Variants in ANK3 observed in about 807,000 individuals in gnomAD.
ANK3 encodes the protein ankyrin 3, also known as ankyrin-3.
Under a neutral mutation model 370.9 loss-of-function variants are expected in ANK3, and 57 were observed. That is an observed-to-expected ratio of 0.15 (90% confidence interval 0.12 to 0.19). ANK3 has a LOEUF of 0.19. ANK3 is among the 10% of genes least tolerant of loss of function. The probability of loss-of-function intolerance (pLI) is 1.00; values close to 1 mark genes in which losing one functional copy is unlikely to be tolerated. For synonymous variants in ANK3, 1,929 were observed against 1,946.3 expected, an observed-to-expected ratio of 0.99 and a Z score of 0.23; for missense variants, 4,439 against 5,302.1, an observed-to-expected ratio of 0.84 and a Z score of 5.06.
Position 60,553,109 on chromosome 10 carries a change from C to T in ANK3, c.96+62077G>A, listed in dbSNP as rs556615703. On this transcript the variant is annotated intron_variant, in intron 2 of 43. Coordinates refer to the ANK3 transcript ENST00000373827. ...AGAATGGACTAATACAGTGATAATA[C>T]CAGCTGATAAATTACAATTATTGAA... Among the ~76,000 whole-genome samples, 5 of 152,210 alleles carry T rather than the reference C, an allele frequency of 3.3e-5. No individual in the cohort carries two copies. The South Asian group carries it at 1.0e-3, about 32-fold the overall frequency.
intron 1 of ANK3, among the ~76,000 whole-genome samples, chr10:60,694,179 C>T (rs188923671): frequency 3.6e-4 from 55 of 151,994 alleles, no homozygotes; most frequent in Non-Finnish European, 6.2e-4. Context: ...TGAAATGAAG[C>T]GAGAAGGGAA....
At chr10:60,509,031 T>A (rs143999313) in intron 2 of ANK3, among the ~76,000 whole-genome samples, 31 of 152,214 alleles carry the variant, frequency 2.0e-4, no homozygotes, top group African/African-American at 7.2e-4. Context: ...TGGTGCTAGT[T>A]ATTGCTGGGA....
At chr10:60,391,525 T>C (rs2063098613), upstream of ANK3, among the ~76,000 whole-genome samples, 1 of 152,230 alleles carries the variant, frequency 6.6e-6, no homozygotes, top group East Asian at 1.9e-4. Context: ...ATAAATCGTC[T>C]TATACTTTTG....
intron 18 of ANK3, among the ~76,000 whole-genome samples, chr10:60,174,079 G>A (rs1264092516): frequency 6.6e-6 from 1 of 152,136 alleles, no homozygotes; most frequent in Non-Finnish European, 1.5e-5. Context: ...AGGAATGGGG[G>A]TGGGTGATCC....
At chr10:60,705,493 C>T (rs2079601929) in intron 1 of ANK3, among the ~76,000 whole-genome samples, 1 of 152,146 alleles carries the variant, frequency 6.6e-6, no homozygotes, top group African/African-American at 2.4e-5. Flanking sequence ...AAAACAGAGG[C>T]TCTAAGTTAT....
chr10:60,647,708 A>T (rs547307830), intron 1 of ANK3, among the ~76,000 whole-genome samples: 1 of 152,202 alleles, frequency 6.6e-6, no homozygotes, highest in African/African-American at 2.4e-5. Flanking sequence ...CATAGATATC[A>T]GTTGCACAAG....
In ANK3 at chr10:60,075,672, C is replaced by T; in HGVS notation, c.5209G>A (p.Ala1737Thr). The change falls in exon 37 of 44, where the codon GCC (alanine) becomes ACC (threonine). Residue 1737 changes from alanine to threonine, a missense_variant. Physicochemically the swap from Ala to Thr is moderately conservative, Grantham distance 58. Coordinates refer to ENST00000280772, the MANE Select transcript of ANK3 (RefSeq NM_020987.5). ...SSSTLINGCK[A>T]TATLQEKISS... Reference sequence around the variant, plus strand: ...ATTTTTTCCTGTAACGTGGCAGTGGCTTTGCATCCATTAATTAAAGTTGAG... The same window carrying T: ...ATTTTTTCCTGTAACGTGGCAGTGGTTTTGCATCCATTAATTAAAGTTGAG... 6.2e-7 allele frequency: 1 copy of T among 1,614,054 alleles called. No individual in the cohort carries two copies.
chr10:60,288,809 G>A (rs184024613), intron 1 of ANK3, among the ~76,000 whole-genome samples: 3 of 152,108 alleles, frequency 2.0e-5, no homozygotes, highest in South Asian at 2.1e-4. Context: ...TCAGATTTGA[G>A]TGTGGGAGAA....
At position 60,029,792 on chromosome 10, in the gene ANK3, G is replaced by C. The variant is rs559113417; in HGVS notation, c.*54C>G. The C allele has an allele frequency of 6.8e-6, 1 of 147,994 alleles. No homozygotes were observed. Among genetic ancestry groups the C allele is most frequent in the Non-Finnish European group, 1.5e-5 (1 of 67,520 alleles). The allele number at this position is 147,994 out of a possible 1,614,324, so 9.2% of individuals were successfully genotyped here. On this transcript the variant is annotated 3_prime_UTR_variant, in exon 44 of 44. Coordinates refer to ENST00000280772, the MANE Select transcript of ANK3 (RefSeq NM_020987.5). ...TACTTCCTGCTGACATTTCTTCCACGAATTTCTCAATACTGGCAGTAAAAA... is the reference window on the plus strand; with the variant it reads ...TACTTCCTGCTGACATTTCTTCCACCAATTTCTCAATACTGGCAGTAAAAA...
At chr10:60,184,216 G>C (rs575609865) in intron 17 of ANK3, among the ~76,000 whole-genome samples, 2 of 152,202 alleles carry the variant, frequency 1.3e-5, no homozygotes, top group Non-Finnish European at 2.9e-5. Context: ...TATGTGAGAA[G>C]AGGGAAAGGT....
At chr10:60,468,274 G>A (rs964671209) in intron 2 of ANK3, among the ~76,000 whole-genome samples, 2 of 152,014 alleles carry the variant, frequency 1.3e-5, no homozygotes, top group Admixed American at 1.3e-4. Context: ...AGGAGCCACC[G>A]TGCCCGGCCT....
At chr10:60,648,767 T>TTAAAA (rs2078746428) in intron 1 of ANK3, among the ~76,000 whole-genome samples, 1 of 112,252 alleles carries the variant, frequency 8.9e-6, no homozygotes, top group Non-Finnish European at 1.8e-5. Context: ...AAGACTGTCT[T>TTAAAA]AAAAAAAAAA....
At chr10:60,296,987 T>G (rs575145809) in intron 1 of ANK3, among the ~76,000 whole-genome samples, 3 of 152,014 alleles carry the variant, frequency 2.0e-5, no homozygotes, top group African/African-American at 7.2e-5. Context: ...CTCAAAGAAA[T>G]AAATAAATAA....
chr10:60,048,053 C>T (rs1203646079), intron 42 of ANK3, among the ~76,000 whole-genome samples: 2 of 152,092 alleles, frequency 1.3e-5, no homozygotes, highest in East Asian at 1.9e-4. Flanking sequence ...GAAAAATCGC[C>T]GTCACCTCAT....
chr10:60,626,151 C>T (rs1289891363), intron 1 of ANK3, among the ~76,000 whole-genome samples: 2 of 152,110 alleles, frequency 1.3e-5, no homozygotes, highest in Non-Finnish European at 2.9e-5. Context: ...GGAAGACAAA[C>T]AAATTGAAAT....
intron 8 of ANK3, 25 bp downstream of exon 8, chr10:60,234,663 G>T (rs1403641756): frequency 1.5e-5 from 21 of 1,399,714 alleles, no homozygotes; most frequent in Non-Finnish European, 2.1e-5. Flanking sequence ...ACAAGTAGAA[G>T]CAGGTACATA....
At chr10:60,642,633 G>A (rs34346333) in intron 1 of ANK3, among the ~76,000 whole-genome samples, 15,746 of 103,562 alleles carry the variant, frequency 0.15, 1,072 homozygotes, top group South Asian at 0.33. Flanking sequence ...GGACTGTTGT[G>A]GGGTGGGGGG....
At chr10:60,205,554 C>T (rs978838261) in intron 11 of ANK3, among the ~76,000 whole-genome samples, 20 of 152,198 alleles carry the variant, frequency 1.3e-4, no homozygotes, top group African/African-American at 4.8e-4. Context: ...TCCCCTTAAG[C>T]ATGTGTTTTA....
At position 60,625,491 on chromosome 10, in the gene ANK3, G is replaced by A. The variant is rs541794122; in HGVS notation, c.58-10267C>T. On this transcript the variant is annotated intron_variant, in intron 1 of 43. Coordinates refer to the ANK3 transcript ENST00000373827. ...GAAGAACTAATTAAAATCCACAAATGACGCAAAGAGCTTGACAACATTCTA... is the reference window on the plus strand; with the variant it reads ...GAAGAACTAATTAAAATCCACAAATAACGCAAAGAGCTTGACAACATTCTA... Among the ~76,000 whole-genome samples the A allele has an allele frequency of 9.9e-4, 151 of 152,148 alleles. 1 individual carries two copies. The highest frequency in any genetic ancestry group is 1.0e-3 in the Non-Finnish European group (71 of 68,024).
Sources: allele counts gnomAD v4.1 joint callset (sites outside exome capture counted in the v4.1 genomes callset), GRCh38; gene constraint gnomAD v4.1.1; transcripts MANE v1.5; gene names NCBI Gene and HGNC (gene_info 2026-07-23, HGNC 2026-07-21).